The following LRRC4C variants were observed in gnomAD, a reference collection of about 807,000 sequenced individuals.
LRRC4C encodes leucine-rich repeat-containing protein 4C.
A neutral mutation model predicts 33.6 loss-of-function variants in LRRC4C; 5 were observed. The ratio of observed to expected loss-of-function variants is 0.15; its 90% CI spans 0.08 to 0.31. The LOEUF (loss-of-function observed/expected upper bound fraction) is 0.31, where lower values mean the gene tolerates loss of function less well. LRRC4C is among the 10% of genes least tolerant of loss of function. The pLI is 1.00. For synonymous variants in LRRC4C, 329 were observed against 302.0 expected (o/e 1.09, Z -0.93); for missense variants, 560 against 796.7 (o/e 0.70, Z 3.58).
At chr11:40,210,424 C>T (rs1466202679) in intron 5 of LRRC4C, among the ~76,000 whole-genome samples, 1 of 152,142 alleles carries the variant, frequency 6.6e-6, no homozygotes, top group Non-Finnish European at 1.5e-5. Flanking sequence ...TGAAGGGTCT[C>T]ATATAGAGTA....
chr11:40,265,055 C>T (rs1181631351), intron 4 of LRRC4C, among the ~76,000 whole-genome samples: 1 of 152,214 alleles, frequency 6.6e-6, no homozygotes, highest in Non-Finnish European at 1.5e-5. Context: ...TTGAAGGCAA[C>T]AGAGATTTGA....
At chr11:40,293,571 G>A (rs1944347007) in intron 4 of LRRC4C, 2 of 151,642 alleles carry the variant, frequency 1.3e-5, no homozygotes, top group Non-Finnish European at 2.9e-5. Flanking sequence ...GGGACAGACA[G>A]GGTGGTAGGC....
At chr11:40,494,731 A>C (rs1313688165) in intron 3 of LRRC4C, among the ~76,000 whole-genome samples, 1 of 152,192 alleles carries the variant, frequency 6.6e-6, no homozygotes, top group East Asian at 1.9e-4. Context: ...GAGAAGAAGC[A>C]CTATTCCTGC....
intron 2 of LRRC4C, among the ~76,000 whole-genome samples, chr11:40,919,440 A>T (rs999097422): frequency 7.2e-5 from 11 of 152,144 alleles, no homozygotes; most frequent in Admixed American, 5.2e-4. Context: ...GCTCTTTCTT[A>T]TACTTCAGGT....
At chr11:41,324,455 T>C (rs376523410) in intron 1 of LRRC4C, among the ~76,000 whole-genome samples, 9 of 152,228 alleles carry the variant, frequency 5.9e-5, no homozygotes, top group African/African-American at 2.2e-4. Flanking sequence ...ATAAAAGTAC[T>C]ATTTTAGGAG....
At chr11:40,157,015 C>G (rs1050477515) in intron 5 of LRRC4C, among the ~76,000 whole-genome samples, 2 of 152,038 alleles carry the variant, frequency 1.3e-5, no homozygotes, top group African/African-American at 4.8e-5. Context: ...TTTCAAACTT[C>G]ACTATAAGGC....
At chr11:41,315,118 T>A (rs1024245906) in intron 1 of LRRC4C, among the ~76,000 whole-genome samples, 1 of 152,176 alleles carries the variant, frequency 6.6e-6, no homozygotes, top group African/African-American at 2.4e-5. Context: ...AGCCAAATTG[T>A]CCTGGATTTA....
At chr11:40,127,361 T>C (rs561501584) in intron 6 of LRRC4C, among the ~76,000 whole-genome samples, 10 of 151,910 alleles carry the variant, frequency 6.6e-5, no homozygotes, top group Admixed American at 4.6e-4. Context: ...CGGGGCAGTG[T>C]TGGAGGAGGT....
At chr11:40,676,878 G>A (rs892427211) in intron 2 of LRRC4C, among the ~76,000 whole-genome samples, 2 of 151,992 alleles carry the variant, frequency 1.3e-5, no homozygotes, top group South Asian at 2.1e-4. Flanking sequence ...CTCGGGTATC[G>A]CTCCACAGAA....
chr11:40,126,387 T>C lies in LRRC4C; in HGVS notation c.-42-10053A>G, dbSNP rs563932866. ...GAGATGTTCTGACTACAGAGAACTA[T>C]GTACTAGAAAAGTAAAACAACAACA... On this transcript the variant is annotated intron_variant, in intron 6 of 6. Coordinates refer to ENST00000528697, the MANE Select transcript of LRRC4C (RefSeq NM_001258419.2). 7.2e-5 allele frequency among the ~76,000 whole-genome samples: 11 copies of C among 152,282 alleles called. No individual in the cohort carries two copies. In the South Asian group the frequency reaches 1.2e-3, roughly 17 times the overall value.
intron 1 of LRRC4C, among the ~76,000 whole-genome samples, chr11:41,409,011 TCA>T (rs2138192551): frequency 6.6e-6 from 1 of 152,250 alleles, no homozygotes; most frequent in South Asian, 2.1e-4. Flanking sequence ...GGTTTCCGGG[TCA>T]CTGTGTGCAG....
intron 1 of LRRC4C, among the ~76,000 whole-genome samples, chr11:41,311,845 T>C (rs945677385): frequency 6.6e-6 from 1 of 152,198 alleles, no homozygotes; most frequent in Non-Finnish European, 1.5e-5. Context: ...ATCTCACATA[T>C]AAGCCACCCC....
At chr11:40,661,713 G>T (rs570894098) in intron 2 of LRRC4C, among the ~76,000 whole-genome samples, 132 of 152,258 alleles carry the variant, frequency 8.7e-4, no homozygotes, top group African/African-American at 3.1e-3. Flanking sequence ...TCCATTAATG[G>T]TAGCTATTAT....
chr11:40,630,609 T>C (rs1325625813), intron 3 of LRRC4C, among the ~76,000 whole-genome samples: 1 of 152,098 alleles, frequency 6.6e-6, no homozygotes, highest in Non-Finnish European at 1.5e-5. Context: ...ATTATCTGAG[T>C]TTATACAACT....
intron 3 of LRRC4C, among the ~76,000 whole-genome samples, chr11:40,537,265 C>G (rs1040001817): frequency 2.0e-5 from 3 of 152,184 alleles, no homozygotes; most frequent in African/African-American, 7.2e-5. Flanking sequence ...ACAGCACGCT[C>G]TATTCTCAGT....
At chr11:41,186,898 A>T (rs1227246507) in intron 1 of LRRC4C, among the ~76,000 whole-genome samples, 2 of 152,200 alleles carry the variant, frequency 1.3e-5, no homozygotes, top group African/African-American at 4.8e-5. Context: ...TAAAATTCAC[A>T]AAAGTAGTAT....
chr11:40,704,097 TA>T (rs979515720), intron 2 of LRRC4C, among the ~76,000 whole-genome samples: 4 of 152,046 alleles, frequency 2.6e-5, no homozygotes, highest in Non-Finnish European at 4.4e-5. Flanking sequence ...ATAATACAAA[TA>T]AAAAATACAG....
intron 1 of LRRC4C, among the ~76,000 whole-genome samples, chr11:41,166,460 C>G (rs1169775835): frequency 6.6e-6 from 1 of 152,112 alleles, no homozygotes; most frequent in Non-Finnish European, 1.5e-5. Flanking sequence ...AGATCCAGCC[C>G]AAGGCATGTG....
At chr11:40,846,041 T>G (rs1033740063) in intron 2 of LRRC4C, among the ~76,000 whole-genome samples, 10 of 148,446 alleles carry the variant, frequency 6.7e-5, no homozygotes, top group Admixed American at 6.8e-5. Flanking sequence ...TTTTTTCTTG[T>G]AAATTTGTTT....
Sources: allele counts gnomAD v4.1 joint callset (sites outside exome capture counted in the v4.1 genomes callset), GRCh38; gene constraint gnomAD v4.1.1; transcripts MANE v1.5; gene names NCBI Gene and HGNC (gene_info 2026-07-23, HGNC 2026-07-21).